The following CYBA variants were observed in gnomAD, a reference collection of about 807,000 sequenced individuals.
CYBA encodes cytochrome b-245 light chain.
Under a neutral mutation model 20.8 loss-of-function variants are expected in CYBA, and 21 were observed. The ratio of observed to expected loss-of-function variants is 1.01; its 90% CI spans 0.72 to 1.46. CYBA has a LOEUF of 1.46. Among genes scored for constraint, CYBA ranks in the 40% most tolerant of loss-of-function variants. The pLI, the probability that CYBA is intolerant of heterozygous loss-of-function variation, is 0.00. For synonymous variants in CYBA, 164 were observed against 127.5 expected (o/e 1.29, Z -1.93); for missense variants, 344 against 287.0 (o/e 1.20, Z -1.43).
rs1347949916 is a variant in CYBA, at chr16:88,646,091, G to T, written c.369+25C>A. On this transcript the variant is annotated intron_variant, in intron 5 of 5. Transcript: ENST00000261623. ...GGGGCTGGGGATGGGGGTGGCCGGG[G>T]CCGACCTCAGAGGGCGCCACTCACC... 2.6e-6 allele frequency: 4 copies of T among 1,541,092 alleles called. No homozygotes were observed. The East Asian group carries it at 9.8e-5, about 38-fold the overall frequency.
intron 1 of CYBA, chr16:88,650,273 C>A (rs1462406186): frequency 2.4e-6 from 1 of 424,308 alleles, no homozygotes; most frequent in South Asian, 1.7e-5. Flanking sequence ...CCAGACACTC[C>A]CTGGCCCTGG....
rs1199618381 is a variant in CYBA at position 88,650,947 on chromosome 16, T to C, written c.58+9A>G. 3.1e-6 allele frequency: 5 copies of C among 1,589,172 alleles called. No individual in the cohort carries two copies. In the South Asian group the frequency reaches 5.7e-5, roughly 18 times the overall value. Reference sequence around the variant, plus strand: ...GCTGCAGCCTCCACCGTCCCTGACGTGCACTCACTCAGGCCGGACGCCAGC... The same window carrying C: ...GCTGCAGCCTCCACCGTCCCTGACGCGCACTCACTCAGGCCGGACGCCAGC... On this transcript the variant is annotated intron_variant, in intron 1 of 5. Transcript: ENST00000261623.
At chr16:88,650,841 G>A (rs1159428605) in intron 1 of CYBA, 115 bp downstream of exon 1, 14 of 1,175,526 alleles carry the variant, frequency 1.2e-5, no homozygotes, top group Admixed American at 2.0e-5. Context: ...ACCCCGGCCC[G>A]GCCTGGCCCG....
intron 5 of CYBA, chr16:88,644,891 G>A: frequency 1.9e-6 from 1 of 519,158 alleles, no homozygotes; most frequent in African/African-American, 1.9e-5. Context: ...GATTTGAACA[G>A]GCAACTCAAG....
At chr16:88,647,251 C>CA (rs1418453671) in intron 2 of CYBA, 76 bp from the exon 3 acceptor site, 1 of 1,421,104 alleles carries the variant, frequency 7.0e-7, no homozygotes, top group Non-Finnish European at 9.8e-7. Flanking sequence ...GAAGACAACA[C>CA]AGAGAGGGGC....
intron 1 of CYBA, among the ~76,000 whole-genome samples, chr16:88,648,634 T>C (rs902979556): frequency 2.0e-5 from 3 of 151,828 alleles, no homozygotes; most frequent in Non-Finnish European, 2.9e-5. Flanking sequence ...TTTTTTTTTT[T>C]CGAGACGGAG....
chr16:88,645,320 C>T (rs1271198661), intron 5 of CYBA: 2 of 702,448 alleles, frequency 2.8e-6, no homozygotes, highest in African/African-American at 3.5e-5. Context: ...ACTCCACTTC[C>T]ATACGCGGAA....
intron 5 of CYBA, chr16:88,645,149 G>C: frequency 1.4e-6 from 1 of 701,106 alleles, no homozygotes; most frequent in South Asian, 1.5e-5. Flanking sequence ...AATTCCTCCC[G>C]AGGTCTCCAG....
Position 88,643,831 on chromosome 16 carries a change from G to T in CYBA, c.370-260C>A, listed in dbSNP as rs373787635. Among the ~76,000 whole-genome samples the T allele has an allele frequency of 2.0e-5, 3 of 152,240 alleles. No homozygotes were observed. The highest frequency in any genetic ancestry group is 6.5e-5 in the Admixed American group (1 of 15,286). ...AACCCCTGGGCTTCTGGAAGATCCC[G>T]TGGTGGACACTCCCAGATGCAAATT... On this transcript the variant is annotated intron_variant, in intron 5 of 5. Coordinates refer to ENST00000261623, the MANE Select transcript of CYBA (RefSeq NM_000101.4). The surrounding 1 kb of genome is among the most constrained non-coding windows in gnomAD (Gnocchi z 4.3).
chr16:88,648,404 C>T (rs778002755), intron 1 of CYBA, among the ~76,000 whole-genome samples: 11 of 150,318 alleles, frequency 7.3e-5, no homozygotes, highest in Non-Finnish European at 1.0e-4. Flanking sequence ...CTCTGGGACC[C>T]CCAAATGGAC....
At position 88,646,208 on chromosome 16, in the gene CYBA, G is replaced by C. The variant is rs560505230; in HGVS notation, c.288-11C>G. The C allele has an allele frequency of 7.0e-7, 1 of 1,437,470 alleles. No individual in the cohort carries two copies. The highest frequency in any genetic ancestry group is 2.4e-5 in the Admixed American group (1 of 42,344). The allele number at this position is 1,437,470 out of a possible 1,614,324, so 89.0% of individuals were successfully genotyped here. On this transcript the variant is annotated splice_polypyrimidine_tract_variant and intron_variant, in intron 4 of 5. Coordinates refer to ENST00000261623, the MANE Select transcript of CYBA (RefSeq NM_000101.4). ...GCGGGCACCGAGAGCCTGGGGGACA[G>C]CGGGTGAGAGGCAGGGACACAGAAG...
chr16:88,649,410 C>T (rs1009344608), intron 1 of CYBA, among the ~76,000 whole-genome samples: 2 of 152,154 alleles, frequency 1.3e-5, no homozygotes, highest in Admixed American at 6.5e-5. Flanking sequence ...GTCCTGGTCC[C>T]GAGCCTGCCA....
At chr16:88,648,383 G>A (rs916668450) in intron 1 of CYBA, among the ~76,000 whole-genome samples, 1 of 151,950 alleles carries the variant, frequency 6.6e-6, no homozygotes, top group African/African-American at 2.4e-5. Context: ...CGACCTGCAG[G>A]CCCCAGTGGG....
In CYBA at chr16:88,646,771, C is replaced by T. The variant is rs763177371; in HGVS notation, c.271G>A (p.Ala91Thr). The T allele has an allele frequency of 3.7e-6, 6 of 1,613,902 alleles. No homozygotes were observed. Among genetic ancestry groups the T allele is most frequent in the Non-Finnish European group, 5.1e-6 (6 of 1,179,942 alleles). ...GPFTRNYYVR[A>T]VLHLLLSVPA... The stretch of plus-strand genomic sequence containing the variant: ...GGGACTCACAGGAGATGCAGGACGG[C>T]CCGAACATAGTAATTCCTGGTAAAG... The change falls in exon 4 of 6, where the codon GCC (alanine) becomes ACC (threonine). Residue 91 changes from alanine (A) to threonine (T), a missense_variant. Ala to Thr is a moderately conservative substitution (Grantham distance 58). Coordinates refer to ENST00000261623, the MANE Select transcript of CYBA (RefSeq NM_000101.4).
Position 88,643,565 on chromosome 16 carries a change from C to G in CYBA, c.376G>C (p.Val126Leu). ...IASGIYLLAAVRGEQWTPIEP... is the reference protein window; with the variant it reads ...IASGIYLLAALRGEQWTPIEP... ...ATGGGCGTCCACTGCTCGCCACGCA[C>G]AGCCGCCTGCGGGGCACTGAAGGGT... Residue 126 changes from valine (V) to leucine (L), a missense_variant, in exon 6 of 6, where the codon GTG becomes CTG. By Grantham distance (32) the Val-to-Leu change is conservative (BLOSUM62 1). Coordinates refer to ENST00000261623, the MANE Select transcript of CYBA (RefSeq NM_000101.4). The surrounding 1 kb of genome is among the most constrained non-coding windows in gnomAD (Gnocchi z 4.3). 3 of 1,532,936 alleles carry G rather than the reference C, an allele frequency of 2.0e-6. No homozygotes were observed. The highest frequency in any genetic ancestry group is 2.4e-5 in the South Asian group (2 of 83,948). 95.0% of individuals were successfully genotyped at this position (1,532,936 alleles called of 1,614,324 possible).
At position 88,646,790 on chromosome 16, in the gene CYBA, G is replaced by A. The variant is rs1464862487; in HGVS notation, c.252C>T (p.Thr84=). The A allele has an allele frequency of 1.2e-6, 2 of 1,613,878 alleles. No homozygotes were observed. The highest frequency in any genetic ancestry group is 2.7e-5 in the African/African-American group (2 of 74,898). The change falls in exon 4 of 6, where the codon ACC becomes ACT. Residue 84 remains threonine, a synonymous_variant. Coordinates refer to ENST00000261623, the MANE Select transcript of CYBA (RefSeq NM_000101.4). ...GGACGGCCCGAACATAGTAATTCCT[G>A]GTAAAGGGCCCGAACAGCTTCACCA... ...TAVVKLFGPF[T]RNYYVRAVLH...
chr16:88,646,764 A>G lies in CYBA; in HGVS notation c.278T>C (p.Leu93Pro). Reference sequence around the variant, plus strand: ...CGGGACGGGGACTCACAGGAGATGCAGGACGGCCCGAACATAGTAATTCCT... The same window carrying G: ...CGGGACGGGGACTCACAGGAGATGCGGGACGGCCCGAACATAGTAATTCCT... ...FTRNYYVRAV[L>P]HLLLSVPAGF... The change falls in exon 4 of 6, where the codon CTG (leucine) becomes CCG (proline). Residue 93 changes from leucine (L) to proline (P), a missense_variant. Leu to Pro is a moderately conservative substitution (Grantham distance 98, BLOSUM62 -3). Transcript: ENST00000261623. 1 of 1,613,758 alleles carries G rather than the reference A, an allele frequency of 6.2e-7. No homozygotes were observed. The highest frequency in any genetic ancestry group is 2.2e-5 in the East Asian group (1 of 44,882).
At chr16:88,645,853 G>A in intron 5 of CYBA, 1 of 570,814 alleles carries the variant, frequency 1.8e-6, no homozygotes, top group Non-Finnish European at 3.1e-6. Context: ...CTGTAAAGTG[G>A]GGACCCCAGT....
intron 1 of CYBA, 141 bp downstream of exon 1, chr16:88,650,815 G>A (rs923032072): frequency 8.3e-6 from 7 of 847,274 alleles, no homozygotes; most frequent in Admixed American, 2.2e-5. Context: ...CCCGTTCCCC[G>A]CACCCTCCTG....
Sources: allele counts gnomAD v4.1 joint callset (sites outside exome capture counted in the v4.1 genomes callset), GRCh38; gene constraint gnomAD v4.1.1; non-coding constraint Gnocchi (gnomAD v3.1); transcripts MANE v1.5; gene names NCBI Gene and HGNC (gene_info 2026-07-23, HGNC 2026-07-21).